PLA2G4A: variants seen among roughly 807,000 people sequenced by gnomAD.
PLA2G4A encodes the protein phospholipase A2 group IVA.
Under a neutral mutation model 81.9 loss-of-function variants are expected in PLA2G4A, and 40 were observed. That is an observed-to-expected ratio of 0.49 (90% CI 0.38 to 0.64). The LOEUF is 0.64. Among genes scored for constraint, PLA2G4A ranks in the 30% least tolerant of loss-of-function variants. The pLI is 0.00. For missense variants in PLA2G4A, 715 were observed against 905.1 expected (o/e 0.79, Z 2.69); for synonymous variants, 302 against 296.9 (o/e 1.02, Z -0.18).
intron 9 of PLA2G4A, among the ~76,000 whole-genome samples, chr1:186,939,492 GAAAAA>G (rs10599543): frequency 0.03 from 4,294 of 143,162 alleles, 217 homozygotes; most frequent in African/African-American, 0.1. Flanking sequence ...CTTTTCTCTG[GAAAAA>G]AAAAAAAAAA....
Position 186,893,149 on chromosome 1 carries a change from A to G in PLA2G4A, c.254A>G (p.Asn85Ser). ...FEFILDPNQE[N>S]VLEITLMDAN... ...TTTATTTTGGATCCTAATCAGGAAA[A>G]TGTTTTGGAGGTAAGTGAACCATTT... Residue 85 changes from asparagine to serine, a missense_variant, in exon 4 of 18, where the codon AAT (asparagine) becomes AGT (serine). Asn to Ser is a conservative substitution (Grantham distance 46). Transcript: ENST00000367466. 2 of 1,612,650 alleles carry G rather than the reference A, an allele frequency of 1.2e-6. No individual in the cohort carries two copies. The highest frequency in any genetic ancestry group is 2.2e-5 in the East Asian group (1 of 44,806).
rs1571385772 is a variant in PLA2G4A at position 186,904,707 on chromosome 1, A to T, written c.379-2258A>T. Among the ~76,000 whole-genome samples, 2 of 152,346 alleles carry T rather than the reference A, an allele frequency of 1.3e-5. 1 individual carries two copies. The highest frequency in any genetic ancestry group is 4.1e-4 in the South Asian group (2 of 4,826). ...TTTGTTTAAAGAGTCTTGTCACTCCATCCAGGATCATGAATGTCTTAGCCA... is the reference window on the plus strand; with the variant it reads ...TTTGTTTAAAGAGTCTTGTCACTCCTTCCAGGATCATGAATGTCTTAGCCA... On this transcript the variant is annotated intron_variant, in intron 5 of 17. Coordinates refer to ENST00000367466, the MANE Select transcript of PLA2G4A (RefSeq NM_024420.3).
At chr1:186,900,594 T>C (rs964386950) in intron 5 of PLA2G4A, among the ~76,000 whole-genome samples, 2 of 152,222 alleles carry the variant, frequency 1.3e-5, no homozygotes, top group Admixed American at 6.5e-5. Flanking sequence ...TGACTGAATA[T>C]GTCAAATGTG....
intron 1 of PLA2G4A, among the ~76,000 whole-genome samples, chr1:186,846,248 A>T (rs1031519280): frequency 6.6e-6 from 1 of 152,202 alleles, no homozygotes; most frequent in Non-Finnish European, 1.5e-5. Context: ...ACGGCTGCCT[A>T]TTCCTAACTG....
At chr1:186,915,288 G>A (rs1655098579) in intron 7 of PLA2G4A, among the ~76,000 whole-genome samples, 1 of 152,126 alleles carries the variant, frequency 6.6e-6, no homozygotes. Context: ...AATCTATTTT[G>A]ACAGATAGCA....
intron 15 of PLA2G4A, 146 bp downstream of exon 15, chr1:186,965,739 G>A (rs6695108): frequency 0.94 from 656,022 of 697,682 alleles, 308,776 homozygotes; most frequent in East Asian, 1. Context: ...CGCAAACATG[G>A]TTCAATCAGT....
chr1:186,851,980 C>T (rs965585816), intron 1 of PLA2G4A, among the ~76,000 whole-genome samples: 2 of 151,894 alleles, frequency 1.3e-5, no homozygotes, highest in African/African-American at 4.8e-5. Context: ...GAGGGTAATA[C>T]AACTTATGGA....
intron 2 of PLA2G4A, among the ~76,000 whole-genome samples, chr1:186,863,777 T>TGGGG (rs143462821): frequency 6.7e-6 from 1 of 148,328 alleles, no homozygotes; most frequent in Non-Finnish European, 1.5e-5. Flanking sequence ...TTTTTTTTTT[T>TGGGG]GGGGACAGAG....
chr1:186,937,252 A>AG (rs147337010), intron 8 of PLA2G4A, among the ~76,000 whole-genome samples: 53,875 of 127,746 alleles, frequency 0.42, 11,716 homozygotes, highest in East Asian at 0.54. Flanking sequence ...TGAGACGGGA[A>AG]AAGAGAGAGA....
chr1:186,913,021 T>C (rs1655018608), intron 7 of PLA2G4A, among the ~76,000 whole-genome samples: 1 of 150,916 alleles, frequency 6.6e-6, no homozygotes, highest in South Asian at 2.1e-4. Context: ...ATAAATCTTG[T>C]TAATGATAAT....
chr1:186,957,439 C>T (rs1477646194), intron 14 of PLA2G4A, among the ~76,000 whole-genome samples: 5 of 152,196 alleles, frequency 3.3e-5, no homozygotes, highest in Non-Finnish European at 4.4e-5. Flanking sequence ...GGCAACTGTG[C>T]TTGGCAGCAG....
Position 186,950,666 on chromosome 1 carries a change from C to A in PLA2G4A, c.1274C>A (p.Thr425Asn). 6.3e-7 allele frequency: 1 copy of A among 1,575,184 alleles called. No individual in the cohort carries two copies. ...TGTTTTCTTTTCACAGAAAATATTA[C>A]CACAAAGCATATTGTGAGTAATGAT... ...STMEEELENITTKHIVSNDSS... is the reference protein window; with the variant it reads ...STMEEELENINTKHIVSNDSS... The change falls in exon 13 of 18, where the codon ACC becomes AAC. Residue 425 changes from threonine (T) to asparagine (N), a missense_variant. By Grantham distance (65) the Thr-to-Asn change is moderately conservative. Coordinates refer to ENST00000367466, the MANE Select transcript of PLA2G4A (RefSeq NM_024420.3).
chr1:186,884,066 T>C (rs1051205450), intron 3 of PLA2G4A, among the ~76,000 whole-genome samples: 3 of 152,070 alleles, frequency 2.0e-5, no homozygotes, highest in African/African-American at 7.2e-5. Flanking sequence ...CAGATTAAAT[T>C]TGAGGCTGGG....
In PLA2G4A at chr1:186,888,022, A is replaced by G. The variant is rs1026247915; in HGVS notation, c.116-4989A>G. Among the ~76,000 whole-genome samples the G allele has an allele frequency of 2.0e-5, 3 of 152,204 alleles. No homozygotes were observed. The East Asian group carries it at 5.8e-4, about 29-fold the overall frequency. ...AAGTGTGCAGTTTTGGTAGTTTTCC[A>G]CTGTCCAGCATCCTTTGACATCTTA... On this transcript the variant is annotated intron_variant, in intron 3 of 17. Transcript: ENST00000367466.
intron 17 of PLA2G4A, among the ~76,000 whole-genome samples, chr1:186,984,470 A>C (rs1034133148): frequency 1.3e-5 from 2 of 152,200 alleles, no homozygotes; most frequent in African/African-American, 2.4e-5. Context: ...CAATGATGCA[A>C]AGTAATGAGC....
At chr1:186,863,701 T>C (rs1333786023) in intron 2 of PLA2G4A, among the ~76,000 whole-genome samples, 2 of 152,094 alleles carry the variant, frequency 1.3e-5, no homozygotes, top group Non-Finnish European at 2.9e-5. Flanking sequence ...TGGCATCAAC[T>C]TCTTTAGATT....
intron 2 of PLA2G4A, among the ~76,000 whole-genome samples, chr1:186,857,973 G>A (rs576718603): frequency 1.4e-4 from 22 of 152,250 alleles, no homozygotes; most frequent in African/African-American, 4.8e-4. Flanking sequence ...TGGTGAATAT[G>A]TGCCACAGTT....
chr1:186,943,066 G>C (rs16826181), intron 10 of PLA2G4A, among the ~76,000 whole-genome samples: 16,293 of 152,208 alleles, frequency 0.11, 995 homozygotes, highest in Middle Eastern at 0.19. Context: ...TGCTTAGATT[G>C]AAAGTGGCTG....
At chr1:186,861,981 T>C (rs886510398) in intron 2 of PLA2G4A, among the ~76,000 whole-genome samples, 2 of 149,134 alleles carry the variant, frequency 1.3e-5, no homozygotes, top group African/African-American at 4.9e-5. Context: ...ATTTAATTTA[T>C]ATATAATTAT....
Sources: allele counts gnomAD v4.1 joint callset (sites outside exome capture counted in the v4.1 genomes callset), GRCh38; gene constraint gnomAD v4.1.1; transcripts MANE v1.5; gene names NCBI Gene and HGNC (gene_info 2026-07-23, HGNC 2026-07-21).